NR1D2: variants seen among roughly 807,000 people sequenced by gnomAD.
NR1D2 encodes nuclear receptor subfamily 1 group D member 2.
Under a neutral mutation model 52.2 loss-of-function variants are expected in NR1D2, and 25 were observed. The observed-to-expected ratio is 0.48, with a 90% CI of 0.35 to 0.67. The LOEUF (loss-of-function observed/expected upper bound fraction) is 0.67, where lower values mean the gene tolerates loss of function less well. Ranked by LOEUF, NR1D2 falls within the 30% of genes least tolerant of loss-of-function variation. NR1D2 has a pLI of 0.01. For synonymous variants in NR1D2, 259 were observed against 230.1 expected, an observed-to-expected ratio of 1.13 and a Z score of -1.14; for missense variants, 681 against 707.2, an observed-to-expected ratio of 0.96 and a Z score of 0.42.
chr3:23,970,519 TG>T (rs1226409723), intron 7 of NR1D2, among the ~76,000 whole-genome samples: 3 of 152,198 alleles, frequency 2.0e-5, no homozygotes, highest in Non-Finnish European at 4.4e-5. Context: ...CTATTAATAT[TG>T]GGGAGTCTTT....
Position 23,963,097 on chromosome 3 carries a change from A to G in NR1D2, c.1146+492A>G, listed in dbSNP as rs1363049754. ...TGTTTTATTGTTTGATAAATTTAGGAGTATTTTAATTTCATAGGCTAATTT... is the reference window on the plus strand; with the variant it reads ...TGTTTTATTGTTTGATAAATTTAGGGGTATTTTAATTTCATAGGCTAATTT... On this transcript the variant is annotated intron_variant, in intron 5 of 7. Transcript: ENST00000312521. 3.6e-5 allele frequency: 11 copies of G among 303,914 alleles called. No individual in the cohort carries two copies. The East Asian group carries it at 4.3e-4, about 12-fold the overall frequency. 18.8% of individuals were successfully genotyped at this position (303,914 alleles called of 1,614,324 possible).
intron 1 of NR1D2, among the ~76,000 whole-genome samples, chr3:23,952,744 G>T (rs1426938754): frequency 6.7e-6 from 1 of 148,722 alleles, no homozygotes; most frequent in Non-Finnish European, 1.5e-5. Context: ...AAAAAAAATC[G>T]TGTCTGATGA....
chr3:23,975,921 C>T (rs944180992), intron 7 of NR1D2, among the ~76,000 whole-genome samples: 2 of 152,188 alleles, frequency 1.3e-5, no homozygotes, highest in Admixed American at 6.5e-5. Context: ...TCCTCAATAT[C>T]CTTGTAAAAA....
intron 3 of NR1D2, among the ~76,000 whole-genome samples, chr3:23,957,640 G>A (rs979945566): frequency 6.6e-5 from 10 of 151,206 alleles, no homozygotes; most frequent in South Asian, 2.1e-4. Flanking sequence ...GGAGAATGGC[G>A]TGAACCCGGG....
chr3:23,965,106 T>C lies in NR1D2; in HGVS notation c.1276T>C (p.Phe426Leu). ...GGAATTTGCAAAGCGTATTCCTGGG[T>C]TCAGAGATCTCTCTCAGCATGACCA... ...VVEFAKRIPG[F>L]RDLSQHDQVN... Residue 426 changes from phenylalanine to leucine, a missense_variant, in exon 6 of 8, where the codon TTC becomes CTC. This residue lies in a region of NR1D2 where 475 missense variants were observed against 454.5 expected (regional missense o/e 1.05). Coordinates refer to ENST00000312521, the MANE Select transcript of NR1D2 (RefSeq NM_005126.5). The C allele has an allele frequency of 6.2e-7, 1 of 1,614,138 alleles. No homozygotes were observed. The highest frequency in any genetic ancestry group is 8.5e-7 in the Non-Finnish European group (1 of 1,180,018).
intron 7 of NR1D2, among the ~76,000 whole-genome samples, chr3:23,976,190 T>G (rs1299338914): frequency 1.3e-5 from 2 of 152,250 alleles, no homozygotes; most frequent in African/African-American, 4.8e-5. Flanking sequence ...ACAAATTTAA[T>G]AAACACAATA....
rs1706827986 is a variant in NR1D2 at position 23,979,739 on chromosome 3, T to TA, written c.*2321dup. 2.6e-5 allele frequency: 4 copies of TA among 152,264 alleles called. No individual in the cohort carries two copies. The highest frequency in any genetic ancestry group is 2.6e-4 in the Admixed American group (4 of 15,298). The allele number at this position is 152,264 out of a possible 1,614,324, so 9.4% of individuals were successfully genotyped here. ...TTCTAAAATTAAACCAGCAGCCTAT[T>TA]ACAAGCACATTCTTTGATTGAGTCA... On this transcript the variant is annotated 3_prime_UTR_variant, in exon 8 of 8. Transcript: ENST00000312521.
chr3:23,952,971 G>A (rs1430237899), intron 1 of NR1D2, among the ~76,000 whole-genome samples: 1 of 147,290 alleles, frequency 6.8e-6, no homozygotes, highest in Non-Finnish European at 1.5e-5. Flanking sequence ...TTTTTTTCTT[G>A]CCTAAAGACG....
chr3:23,967,757 A>AT, intron 6 of NR1D2, 56 bp from the exon 7 acceptor site: 2 of 1,364,296 alleles, frequency 1.5e-6, no homozygotes, highest in Non-Finnish European at 2.0e-6. Context: ...ATACTAAGTT[A>AT]TTTTTTTATT....
At chr3:23,949,338 C>G (rs187982750) in intron 1 of NR1D2, among the ~76,000 whole-genome samples, 1 of 151,814 alleles carries the variant, frequency 6.6e-6, no homozygotes, top group African/African-American at 2.4e-5. Context: ...GCACTCCATC[C>G]TGGGTGACAG....
At chr3:23,961,925 C>T in intron 4 of NR1D2, 52 bp from the exon 5 acceptor site, 1 of 1,496,520 alleles carries the variant, frequency 6.7e-7, no homozygotes, top group Non-Finnish European at 8.9e-7. Flanking sequence ...TTCTTTTATA[C>T]AAAACAGGTC....
chr3:23,964,005 CT>C (rs1166912603), intron 5 of NR1D2, among the ~76,000 whole-genome samples: 2 of 150,482 alleles, frequency 1.3e-5, no homozygotes, highest in Non-Finnish European at 2.9e-5. Context: ...ATCTGCAGTC[CT>C]TGTTTCCTGA....
chr3:23,973,312 A>G (rs1348628580), intron 7 of NR1D2, among the ~76,000 whole-genome samples: 1 of 152,258 alleles, frequency 6.6e-6, no homozygotes, highest in Non-Finnish European at 1.5e-5. Flanking sequence ...ATAAACCTAG[A>G]TGGTATATCC....
chr3:23,966,859 G>A (rs1706462113), intron 6 of NR1D2, among the ~76,000 whole-genome samples: 1 of 151,724 alleles, frequency 6.6e-6, no homozygotes, highest in African/African-American at 2.4e-5. Flanking sequence ...GTGAAACCCT[G>A]TCTCTACAAA....
At chr3:23,973,468 GT>G (rs1207516159) in intron 7 of NR1D2, among the ~76,000 whole-genome samples, 1 of 152,178 alleles carries the variant, frequency 6.6e-6, no homozygotes, top group Non-Finnish European at 1.5e-5. Flanking sequence ...AAAAGGTACA[GT>G]AACAATAGAT....
chr3:23,950,402 GTTC>G (rs568865086), intron 1 of NR1D2, among the ~76,000 whole-genome samples: 40 of 152,352 alleles, frequency 2.6e-4, no homozygotes, highest in African/African-American at 3.6e-4. Context: ...AATTCACAGA[GTTC>G]TTCTTGTGAG....
chr3:23,956,214 G>T, intron 3 of NR1D2, 89 bp downstream of exon 3: 1 of 944,990 alleles, frequency 1.1e-6, no homozygotes, highest in Non-Finnish European at 1.7e-6. Context: ...TTGATAGTCT[G>T]AGAGACAGTG....
intron 1 of NR1D2, among the ~76,000 whole-genome samples, chr3:23,949,988 G>C (rs1431864201): frequency 1.3e-5 from 2 of 152,222 alleles, no homozygotes; most frequent in East Asian, 3.8e-4. Context: ...CTGGGAACCT[G>C]GCCCAGGTCC....
chr3:23,970,911 AG>A (rs1327070044), intron 7 of NR1D2, among the ~76,000 whole-genome samples: 6 of 152,016 alleles, frequency 3.9e-5, no homozygotes, highest in Non-Finnish European at 8.8e-5. Context: ...CCTCCTGAGT[AG>A]CTGGGATTAC....
Sources: gnomAD v4.1 joint callset for allele counts (sites outside exome capture counted in the v4.1 genomes callset) on GRCh38, gnomAD v4.1.1 for gene constraint, gnomAD v4.1.1 regional missense constraint, MANE v1.5 for transcripts, NCBI Gene and HGNC (gene_info 2026-07-23, HGNC 2026-07-21) for gene names.